The following BICD1 variants were observed in gnomAD, a reference collection of about 807,000 sequenced individuals.
BICD1 encodes BICD cargo adaptor 1.
In BICD1, 35 loss-of-function variants were observed where a neutral mutation model predicts 92.5. The ratio of observed to expected loss-of-function variants is 0.38; its 90% CI spans 0.29 to 0.50. BICD1 has a LOEUF of 0.50. BICD1 is among the 20% of genes least tolerant of loss of function. The pLI is 0.93. For synonymous variants in BICD1, 429 were observed against 465.1 expected (o/e 0.92, Z 1.00); for missense variants, 950 against 1,189.8 (o/e 0.80, Z 2.97).
At chr12:32,128,610 T>TA (rs10714973) in intron 1 of BICD1, among the ~76,000 whole-genome samples, 23 of 151,646 alleles carry the variant, frequency 1.5e-4, no homozygotes, top group African/African-American at 4.4e-4. Context: ...TTCCTTTTCT[T>TA]AAAAAAAAAC....
chr12:32,270,119 TAAAAAAAAAAAAAAAAATTA>T (rs1947100080), intron 2 of BICD1, among the ~76,000 whole-genome samples: 18 of 129,072 alleles, frequency 1.4e-4, no homozygotes, highest in South Asian at 4.8e-4. Context: ...AGACTCCCTC[TAAAAAAAAAAAAAAAAATTA>T]TTATTATTTA....
intron 2 of BICD1, among the ~76,000 whole-genome samples, chr12:32,228,657 A>G (rs1565602685): frequency 6.6e-6 from 1 of 152,180 alleles, no homozygotes; most frequent in Non-Finnish European, 1.5e-5. Context: ...CATATTCTGA[A>G]TAATTTTTGA....
chr12:32,377,634 TCTC>T lies in BICD1; in HGVS notation c.*10_*12del. ...CAAGCCTCCTCACCCCTAGTCTTCATCTCCTGTGGACGAACATCTGGGGTGGAA... is the reference window on the plus strand; with the variant it reads ...CAAGCCTCCTCACCCCTAGTCTTCATCTGTGGACGAACATCTGGGGTGGAA... On this transcript the variant is annotated 3_prime_UTR_variant, in exon 10 of 10. Coordinates refer to ENST00000652176, the MANE Select transcript of BICD1 (RefSeq NM_001714.4). 1 of 1,608,666 alleles carries T rather than the reference TCTC, an allele frequency of 6.2e-7. No individual in the cohort carries two copies. The highest frequency in any genetic ancestry group is 1.1e-5 in the South Asian group (1 of 90,968).
intron 4 of BICD1, among the ~76,000 whole-genome samples, chr12:32,308,987 C>T (rs1377430373): frequency 6.6e-6 from 1 of 152,086 alleles, no homozygotes; most frequent in African/African-American, 2.4e-5. Context: ...GTAGAATATC[C>T]ATTTATCTTC....
chr12:32,177,184 G>A (rs1394501854), intron 1 of BICD1, among the ~76,000 whole-genome samples: 1 of 151,590 alleles, frequency 6.6e-6, no homozygotes, highest in East Asian at 1.9e-4. Flanking sequence ...GCGTGGTGGT[G>A]CGCACCTGTA....
At chr12:32,222,858 C>T (rs1945574669) in intron 2 of BICD1, among the ~76,000 whole-genome samples, 2 of 152,136 alleles carry the variant, frequency 1.3e-5, no homozygotes, top group South Asian at 2.1e-4. Flanking sequence ...AAGGTGCCAT[C>T]TTGGACGCAG....
At chr12:32,124,034 G>A (rs531459811) in intron 1 of BICD1, among the ~76,000 whole-genome samples, 1 of 152,302 alleles carries the variant, frequency 6.6e-6, no homozygotes, top group South Asian at 2.1e-4. Context: ...TTACCTAAGT[G>A]TCTTGTGCTC....
intron 4 of BICD1, among the ~76,000 whole-genome samples, chr12:32,308,854 C>T (rs1352054521): frequency 1.3e-5 from 2 of 152,122 alleles, no homozygotes; most frequent in Non-Finnish European, 2.9e-5. Context: ...TAGAGGGGCG[C>T]AGGTAGGTCC....
At chr12:32,351,554 A>G (rs1327816824) in intron 8 of BICD1, among the ~76,000 whole-genome samples, 1 of 105,388 alleles carries the variant, frequency 9.5e-6, no homozygotes, top group Non-Finnish European at 1.9e-5. Flanking sequence ...TAAGACTTAT[A>G]TGAAAATACA....
intron 1 of BICD1, 151 bp downstream of exon 1, chr12:32,107,695 C>T: frequency 2.2e-6 from 2 of 892,390 alleles, no homozygotes; most frequent in Non-Finnish European, 3.6e-6. Context: ...TTGAAAGAGT[C>T]CATTGTTTCC....
At chr12:32,184,821 G>T (rs1944383728) in intron 1 of BICD1, among the ~76,000 whole-genome samples, 1 of 152,110 alleles carries the variant, frequency 6.6e-6, no homozygotes, top group Non-Finnish European at 1.5e-5. Context: ...TGTGTTTTAT[G>T]GTTTAATAGA....
intron 1 of BICD1, among the ~76,000 whole-genome samples, chr12:32,179,931 A>G (rs1179686253): frequency 1.3e-5 from 2 of 148,778 alleles, no homozygotes; most frequent in East Asian, 2.0e-4. Context: ...CAAAGATTGC[A>G]GTGAGCCGAC....
chr12:32,120,706 A>G (rs549664916), intron 1 of BICD1, among the ~76,000 whole-genome samples: 1 of 152,108 alleles, frequency 6.6e-6, no homozygotes, highest in East Asian at 1.9e-4. Context: ...TCTTTTGTTG[A>G]GCTGGAGATA....
chr12:32,130,994 C>T (rs1394543787), intron 1 of BICD1, among the ~76,000 whole-genome samples: 1 of 151,944 alleles, frequency 6.6e-6, no homozygotes, highest in African/African-American at 2.4e-5. Flanking sequence ...ACCACCATTC[C>T]CGGCTAATTT....
intron 2 of BICD1, among the ~76,000 whole-genome samples, chr12:32,283,652 A>C (rs192282417): frequency 6.6e-6 from 1 of 152,346 alleles, no homozygotes; most frequent in African/African-American, 2.4e-5. Context: ...GATGAGGTGG[A>C]AGAGCGAGTG....
intron 1 of BICD1, among the ~76,000 whole-genome samples, chr12:32,198,159 C>T (rs556013482): frequency 2.6e-5 from 4 of 151,450 alleles, no homozygotes; most frequent in Non-Finnish European, 4.4e-5. Flanking sequence ...GAGCTGAGAT[C>T]GTGCCATTGT....
intron 2 of BICD1, among the ~76,000 whole-genome samples, chr12:32,246,996 A>G (rs1436948105): frequency 6.6e-6 from 1 of 152,028 alleles, no homozygotes; most frequent in Non-Finnish European, 1.5e-5. Context: ...CGTGGCTCAC[A>G]CCTGTAATCT....
At chr12:32,261,982 A>T (rs895636158) in intron 2 of BICD1, among the ~76,000 whole-genome samples, 6 of 150,022 alleles carry the variant, frequency 4.0e-5, no homozygotes, top group African/African-American at 1.5e-4. Flanking sequence ...TTGGATAGAG[A>T]TGTTACAGTA....
chr12:32,166,183 T>C (rs909204929), intron 1 of BICD1, among the ~76,000 whole-genome samples: 12 of 151,690 alleles, frequency 7.9e-5, no homozygotes, highest in Non-Finnish European at 1.8e-4. Flanking sequence ...TCACCCAGGC[T>C]GGAGTGCAGT....
Sources: gnomAD v4.1 joint callset for allele counts (sites outside exome capture counted in the v4.1 genomes callset) on GRCh38, gnomAD v4.1.1 for gene constraint, MANE v1.5 for transcripts, NCBI Gene and HGNC (gene_info 2026-07-23, HGNC 2026-07-21) for gene names.